Variants in MIS18A observed in about 807,000 individuals in gnomAD.
MIS18A encodes MIS18 kinetochore protein A.
Under a neutral mutation model 25.0 loss-of-function variants are expected in MIS18A, and 14 were observed. That is an observed-to-expected ratio of 0.56 (90% CI 0.37 to 0.88). MIS18A has a LOEUF of 0.88. Among genes scored for constraint, MIS18A ranks in the 40% least tolerant of loss-of-function variants. The pLI is 0.00. For missense variants in MIS18A, 292 were observed against 290.8 expected, an observed-to-expected ratio of 1.00 and a Z score of -0.03; for synonymous variants, 134 against 118.6, an observed-to-expected ratio of 1.13 and a Z score of -0.84.
chr21:32,185,419 CCTGTGGTGCTCCCATGGGGAGGT>C, the MIS18A span, among the ~76,000 whole-genome samples: 5 of 152,242 alleles, frequency 3.3e-5, no homozygotes, highest in African/African-American at 9.6e-5. Flanking sequence ...CACAGGGAGG[CCTGTGGTGCTCCCATGGGGAGGT>C]CTGTGGTGCT....
chr21:32,258,090 G>T, the MIS18A span, among the ~76,000 whole-genome samples: 4 of 152,186 alleles, frequency 2.6e-5, no homozygotes, highest in Non-Finnish European at 5.9e-5. Context: ...TCCTTATTCC[G>T]GAAGACTGCC....
chr21:32,175,787 G>C, the MIS18A span, among the ~76,000 whole-genome samples: 1 of 151,640 alleles, frequency 6.6e-6, no homozygotes, highest in East Asian at 1.9e-4. Context: ...TCCAGCCCAG[G>C]TGATAGTGAG....
At chr21:32,164,334 G>A in the MIS18A span, among the ~76,000 whole-genome samples, 14 of 152,262 alleles carry the variant, frequency 9.2e-5, no homozygotes, top group South Asian at 1.2e-3. Flanking sequence ...AGTCCACCCC[G>A]TAGCTATATT....
intron 1 of MIS18A, among the ~76,000 whole-genome samples, chr21:32,277,327 C>T (rs1325249867): frequency 6.6e-6 from 1 of 152,188 alleles, no homozygotes; most frequent in Non-Finnish European, 1.5e-5. Flanking sequence ...GCAAAAAATA[C>T]ACTCTATCGA....
intron 1 of MIS18A, among the ~76,000 whole-genome samples, chr21:32,276,839 G>C (rs1569016576): frequency 6.6e-6 from 1 of 152,078 alleles, no homozygotes; most frequent in Non-Finnish European, 1.5e-5. Context: ...TGAGCCGGGA[G>C]GATAGTTTGA....
chr21:32,211,857 G>A, the MIS18A span, among the ~76,000 whole-genome samples: 4 of 152,168 alleles, frequency 2.6e-5, no homozygotes, highest in African/African-American at 9.7e-5. Context: ...CATCTGCATT[G>A]AGAGAATCAC....
chr21:32,254,445 C>T, the MIS18A span, among the ~76,000 whole-genome samples: 525 of 151,938 alleles, frequency 3.5e-3, 4 homozygotes, highest in African/African-American at 0.012. Flanking sequence ...GCAGGAGAAT[C>T]ACTTGAACCC....
the MIS18A span, among the ~76,000 whole-genome samples, chr21:32,172,751 T>G: frequency 3.3e-5 from 5 of 152,244 alleles, 1 homozygote; most frequent in Admixed American, 1.3e-4. Flanking sequence ...GATACTGGCA[T>G]AAGGATAGAC....
At chr21:32,223,859 C>T in the MIS18A span, among the ~76,000 whole-genome samples, 13 of 152,202 alleles carry the variant, frequency 8.5e-5, no homozygotes, top group African/African-American at 3.1e-4. Flanking sequence ...CCCTGATGAA[C>T]ATCAATGCAA....
At chr21:32,183,019 A>T in the MIS18A span, among the ~76,000 whole-genome samples, 1 of 152,216 alleles carries the variant, frequency 6.6e-6, no homozygotes, top group Non-Finnish European at 1.5e-5. Context: ...AGTTTTTCAC[A>T]ATGATCAAAG....
At chr21:32,276,942 T>TA (rs1015369205) in intron 1 of MIS18A, among the ~76,000 whole-genome samples, 32 of 151,490 alleles carry the variant, frequency 2.1e-4, no homozygotes, top group East Asian at 3.9e-4. Flanking sequence ...ATAACCCTAT[T>TA]AAAAAAAAAC....
the MIS18A span, among the ~76,000 whole-genome samples, chr21:32,259,371 G>C: frequency 6.6e-6 from 1 of 152,150 alleles, no homozygotes; most frequent in Non-Finnish European, 1.5e-5. Context: ...AGAAGGCTGG[G>C]GAGCCACTTT....
chr21:32,202,359 A>T, the MIS18A span, among the ~76,000 whole-genome samples: 963 of 152,280 alleles, frequency 6.3e-3, 20 homozygotes, highest in East Asian at 0.049. Context: ...TTAAACTTCA[A>T]AGGAAAAAAA....
the MIS18A span, among the ~76,000 whole-genome samples, chr21:32,228,809 C>T: frequency 1.4e-4 from 22 of 151,894 alleles, no homozygotes; most frequent in African/African-American, 5.3e-4. Context: ...AAAAAAAGTG[C>T]AAGGCTCGTA....
chr21:32,186,074 C>T, the MIS18A span, among the ~76,000 whole-genome samples: 2 of 152,100 alleles, frequency 1.3e-5, no homozygotes, highest in Admixed American at 6.6e-5. Flanking sequence ...AATGCACAGG[C>T]GGCTTCCCAC....
chr21:32,234,163 C>A, the MIS18A span, among the ~76,000 whole-genome samples: 1 of 152,200 alleles, frequency 6.6e-6, no homozygotes, highest in African/African-American at 2.4e-5. Context: ...TACAGGGACT[C>A]TTTCTAATAT....
the MIS18A span, among the ~76,000 whole-genome samples, chr21:32,179,448 CACACAAGCACACAAAT>C: frequency 2.2e-4 from 34 of 152,182 alleles, no homozygotes; most frequent in African/African-American, 8.2e-4. Flanking sequence ...TGCACACACA[CACACAAGCACACAAAT>C]GCACATATAC....
intron 2 of MIS18A, among the ~76,000 whole-genome samples, chr21:32,274,197 C>CTTTTTTTTT (rs1184186125): frequency 5.1e-4 from 37 of 72,784 alleles, no homozygotes; most frequent in Non-Finnish European, 7.5e-4. Context: ...TCCTTTTCTT[C>CTTTTTTTTT]TTTTTTTTTT....
chr21:32,251,585 G>A, the MIS18A span, among the ~76,000 whole-genome samples: 1 of 152,152 alleles, frequency 6.6e-6, no homozygotes, highest in Admixed American at 6.5e-5. Context: ...AGCCCCCAAA[G>A]AGAACTTGTG....
Sources: allele counts gnomAD v4.1 joint callset (sites outside exome capture counted in the v4.1 genomes callset), GRCh38; gene constraint gnomAD v4.1.1; transcripts MANE v1.5; gene names NCBI Gene and HGNC (gene_info 2026-07-23, HGNC 2026-07-21).